The following DGKG variants were observed in gnomAD, a reference collection of about 807,000 sequenced individuals.
DGKG encodes diacylglycerol kinase gamma.
In DGKG, 78 loss-of-function variants were observed where a neutral mutation model predicts 105.3. The observed-to-expected ratio is 0.74, with a 90% confidence interval of 0.62 to 0.89. DGKG has a LOEUF of 0.89. Among genes scored for constraint, DGKG ranks in the 40% least tolerant of loss-of-function variants. DGKG has a pLI of 0.00. For missense variants in DGKG, 958 were observed against 1,020.1 expected (o/e 0.94, Z 0.83); for synonymous variants, 346 against 367.1 (o/e 0.94, Z 0.66).
At position 186,300,048 on chromosome 3, in the gene DGKG, G is replaced by C. The variant is rs377106354; in HGVS notation, c.145-1819C>G. Among the ~76,000 whole-genome samples, 71 of 152,020 alleles carry C rather than the reference G, an allele frequency of 4.7e-4. No individual in the cohort carries two copies. In the East Asian group the frequency reaches 9.9e-3, roughly 21 times the overall value. Reference sequence around the variant, plus strand: ...GATGGGGTTTCACCTTGTTGGCCAGGCTGGTCTTGAACTACTGACCTCAAG... The same window carrying C: ...GATGGGGTTTCACCTTGTTGGCCAGCCTGGTCTTGAACTACTGACCTCAAG... On this transcript the variant is annotated intron_variant, in intron 3 of 24. Transcript: ENST00000265022.
intron 1 of DGKG, among the ~76,000 whole-genome samples, chr3:186,333,010 A>G (rs1474199616): frequency 6.6e-6 from 1 of 152,210 alleles, no homozygotes; most frequent in Non-Finnish European, 1.5e-5. Flanking sequence ...GGGCCTCACC[A>G]GATGCAGTCC....
At chr3:186,355,669 A>G (rs1255252402) in intron 1 of DGKG, among the ~76,000 whole-genome samples, 3 of 151,044 alleles carry the variant, frequency 2.0e-5, no homozygotes, top group East Asian at 1.9e-4. Flanking sequence ...TCACTGTCCT[A>G]CCACTACCAT....
Position 186,221,547 on chromosome 3 carries a change from C to T in DGKG, c.1827-9662G>A, listed in dbSNP as rs147151330. On this transcript the variant is annotated intron_variant, in intron 20 of 24. Transcript: ENST00000265022. ...AAAAAGAAATCCCTGCCTGGAGGGA[C>T]GGGGAAAAGGCGGACAGGAATGCTC... Among the ~76,000 whole-genome samples the T allele has an allele frequency of 3.2e-3, 481 of 152,202 alleles. 2 individuals are homozygous for T. The highest frequency in any genetic ancestry group is 0.01 in the Middle Eastern group (3 of 294).
intron 3 of DGKG, among the ~76,000 whole-genome samples, chr3:186,303,801 G>T (rs1560144552): frequency 6.6e-6 from 1 of 152,144 alleles, no homozygotes; most frequent in East Asian, 1.9e-4. Context: ...ATGCAGCTCT[G>T]CCACTCTGCA....
chr3:186,245,915 C>CA (rs200608793), intron 19 of DGKG, among the ~76,000 whole-genome samples: 2 of 145,370 alleles, frequency 1.4e-5, no homozygotes, highest in African/African-American at 2.7e-5. Context: ...AACAAACAAA[C>CA]AAAAAAACAA....
At chr3:186,257,570 G>C (rs1721541099) in intron 17 of DGKG, among the ~76,000 whole-genome samples, 1 of 152,072 alleles carries the variant, frequency 6.6e-6, no homozygotes, top group Non-Finnish European at 1.5e-5. Context: ...CCCAAATCTG[G>C]CCTGTCCTGC....
chr3:186,337,571 G>A (rs940039776), intron 1 of DGKG, among the ~76,000 whole-genome samples: 1 of 152,110 alleles, frequency 6.6e-6, no homozygotes, highest in Non-Finnish European at 1.5e-5. Flanking sequence ...TGATAAGGAT[G>A]CATGTTAGAA....
At chr3:186,215,287 G>T (rs1348860493) in intron 20 of DGKG, among the ~76,000 whole-genome samples, 1 of 151,882 alleles carries the variant, frequency 6.6e-6, no homozygotes. Context: ...GGCGGGCACT[G>T]GTAATCCCAG....
At chr3:186,224,191 G>A (rs758543260) in intron 20 of DGKG, among the ~76,000 whole-genome samples, 40 of 152,154 alleles carry the variant, frequency 2.6e-4, no homozygotes, top group Non-Finnish European at 5.4e-4. Flanking sequence ...ATTCCGCTTG[G>A]TTTATGTGAT....
In DGKG at chr3:186,210,516, C is replaced by G. The variant is rs1718984628; in HGVS notation, c.1917+1279G>C. ...GGATTAGCCAGATCGGCGCCTCCCA[C>G]CCTGGCGTTGGTAACCCAGCAACCG... On this transcript the variant is annotated intron_variant, in intron 21 of 24. Transcript: ENST00000265022. The surrounding 1 kb of genome is among the most constrained non-coding windows in gnomAD (Gnocchi z 5.2). 6.6e-6 allele frequency among the ~76,000 whole-genome samples: 1 copy of G among 152,224 alleles called. No individual in the cohort carries two copies. The highest frequency in any genetic ancestry group is 1.5e-5 in the Non-Finnish European group (1 of 68,042).
chr3:186,228,839 T>C (rs1032005448), intron 20 of DGKG, among the ~76,000 whole-genome samples: 1 of 152,198 alleles, frequency 6.6e-6, no homozygotes, highest in African/African-American at 2.4e-5. Context: ...TGTATTTCCT[T>C]CTTGTGTGAA....
chr3:186,209,093 CTTTTTT>C (rs34226259), intron 21 of DGKG, among the ~76,000 whole-genome samples: 24 of 89,798 alleles, frequency 2.7e-4, no homozygotes, highest in African/African-American at 1.0e-3. Flanking sequence ...GTTTACTCTT[CTTTTTT>C]TTTTTTTTTT....
intron 3 of DGKG, among the ~76,000 whole-genome samples, chr3:186,299,984 C>T (rs547754984): frequency 5.9e-5 from 9 of 151,976 alleles, no homozygotes; most frequent in African/African-American, 1.2e-4. Flanking sequence ...ATTACAGGCA[C>T]GTGCCACCAT....
chr3:186,230,486 C>A (rs1303950753), intron 20 of DGKG, among the ~76,000 whole-genome samples: 1 of 151,934 alleles, frequency 6.6e-6, no homozygotes, highest in East Asian at 1.9e-4. Context: ...AGTAACAGAG[C>A]AAGCAAGCAA....
chr3:186,253,025 C>T, intron 18 of DGKG, 68 bp downstream of exon 18: 1 of 1,390,022 alleles, frequency 7.2e-7, no homozygotes. Context: ...TTCAGCCTAG[C>T]TCTGTAGAGC....
intron 1 of DGKG, among the ~76,000 whole-genome samples, chr3:186,350,882 A>T (rs1051969001): frequency 2.0e-5 from 3 of 152,186 alleles, no homozygotes; most frequent in African/African-American, 7.2e-5. Context: ...GCTTATTGCT[A>T]TTCACATATC....
intron 20 of DGKG, among the ~76,000 whole-genome samples, chr3:186,237,006 AC>A (rs1261386168): frequency 6.6e-6 from 1 of 152,092 alleles, no homozygotes; most frequent in Non-Finnish European, 1.5e-5. Context: ...CATATGCAAA[AC>A]CCTTCATGGA....
Position 186,298,178 on chromosome 3 carries a change from C to T in DGKG, c.196G>A (p.Asp66Asn). 1 of 1,613,726 alleles carries T rather than the reference C, an allele frequency of 6.2e-7. No individual in the cohort carries two copies. Residue 66 changes from aspartate (D) to asparagine (N), a missense_variant, in exon 4 of 25, where the codon GAC (aspartate) becomes AAC (asparagine). Around this residue, in one of 2 missense-constraint regions of DGKG, gnomAD observed 643 missense variants for 619.5 expected, o/e 1.04. Transcript: ENST00000265022. ...KLFMRAYLEV[D>N]LPQPLSTHLF... ...TGAGTGCTCAGTGGCTGGGGAAGGT[C>T]CACCTCCAGGTACGCCCTCATGAAC...
chr3:186,217,468 T>C (rs565596343), intron 20 of DGKG, among the ~76,000 whole-genome samples: 1 of 152,292 alleles, frequency 6.6e-6, no homozygotes, highest in African/African-American at 2.4e-5. Context: ...AAATGGCAAA[T>C]ACAAACAGTG....
Sources: allele counts gnomAD v4.1 joint callset (sites outside exome capture counted in the v4.1 genomes callset), GRCh38; gene constraint gnomAD v4.1.1; regional missense constraint gnomAD v4.1.1; non-coding constraint Gnocchi (gnomAD v3.1); transcripts MANE v1.5; gene names NCBI Gene and HGNC (gene_info 2026-07-23, HGNC 2026-07-21).